Variants in FAM3C observed in about 807,000 individuals in gnomAD.
The protein encoded by FAM3C is protein FAM3C.
In FAM3C, 15 loss-of-function variants were observed where a neutral mutation model predicts 32.5. The ratio of observed to expected loss-of-function variants is 0.46; its 90% CI spans 0.31 to 0.71. The LOEUF is 0.71. FAM3C is among the 30% of genes least tolerant of loss of function. The pLI, the probability that FAM3C is intolerant of heterozygous loss-of-function variation, is 0.05. For synonymous variants in FAM3C, 75 were observed against 86.1 expected (o/e 0.87, Z 0.72); for missense variants, 175 against 274.4 (o/e 0.64, Z 2.56).
chr7:121,362,991 A>G, intron 6 of FAM3C, 44 bp from the exon 7 acceptor site: 1 of 898,712 alleles, frequency 1.1e-6, no homozygotes, highest in Non-Finnish European at 1.8e-6. Flanking sequence ...TCTGAAATAT[A>G]TCATACACTG....
intron 1 of FAM3C, among the ~76,000 whole-genome samples, chr7:121,389,872 T>C (rs141052680): frequency 2.0e-5 from 3 of 152,242 alleles, no homozygotes; most frequent in African/African-American, 7.2e-5. Context: ...GAAATCAGAC[T>C]TCTGAACTGA....
rs191977817 is a variant in FAM3C, at chr7:121,376,157, T to C, written c.118+2753A>G. ...ATAGAAGTACACAGACCAGAACAAG[T>C]AAAGTAAAATCTCACTATACTTTGC... On this transcript the variant is annotated intron_variant, in intron 3 of 9. Transcript: ENST00000359943. 8.9e-4 allele frequency among the ~76,000 whole-genome samples: 136 copies of C among 152,290 alleles called. 1 individual carries two copies. Among genetic ancestry groups the C allele is most frequent in the Admixed American group, 5.7e-3 (87 of 15,286 alleles).
intron 1 of FAM3C, among the ~76,000 whole-genome samples, chr7:121,389,054 T>C (rs950104355): frequency 4.6e-5 from 7 of 152,182 alleles, no homozygotes; most frequent in African/African-American, 1.7e-4. Flanking sequence ...TAATACCTGC[T>C]TCTCCCTCCA....
intron 1 of FAM3C, among the ~76,000 whole-genome samples, chr7:121,383,238 A>G (rs1794394245): frequency 6.6e-6 from 1 of 152,168 alleles, no homozygotes; most frequent in South Asian, 2.1e-4. Context: ...TGAATGACCA[A>G]AGAGTAAAAG....
chr7:121,367,318 G>A (rs1302587611), intron 5 of FAM3C, among the ~76,000 whole-genome samples: 6 of 152,132 alleles, frequency 3.9e-5, no homozygotes, highest in Admixed American at 3.9e-4. Context: ...CTCTTAAGAT[G>A]GTTAGTTTAA....
intron 2 of FAM3C, among the ~76,000 whole-genome samples, chr7:121,380,733 T>TTATATATATATATATATATATATA (rs66579763): frequency 0.01 from 1,338 of 133,366 alleles, 17 homozygotes; most frequent in Non-Finnish European, 0.015. Flanking sequence ...TACAAACATT[T>TTATATATATATATATATATATATA]TATATATATA....
chr7:121,372,514 T>C (rs1794169066), intron 3 of FAM3C, among the ~76,000 whole-genome samples: 1 of 152,166 alleles, frequency 6.6e-6, no homozygotes, highest in Non-Finnish European at 1.5e-5. Flanking sequence ...TGCTGTATGG[T>C]GTTGTACAGA....
intron 8 of FAM3C, among the ~76,000 whole-genome samples, chr7:121,355,380 C>T (rs1022618683): frequency 6.6e-6 from 1 of 151,926 alleles, no homozygotes; most frequent in African/African-American, 2.4e-5. Flanking sequence ...TCCCTGTTTT[C>T]AAAAAAGGCA....
At chr7:121,362,827 TG>T in intron 7 of FAM3C, 69 bp downstream of exon 7, 1 of 793,940 alleles carries the variant, frequency 1.3e-6, no homozygotes, top group Non-Finnish European at 2.1e-6. Flanking sequence ...CTCTCATTAA[TG>T]GGCTACATTG....
At chr7:121,394,149 G>C (rs1794637825) in intron 1 of FAM3C, among the ~76,000 whole-genome samples, 1 of 152,144 alleles carries the variant, frequency 6.6e-6, no homozygotes, top group Admixed American at 6.5e-5. Flanking sequence ...GTACATGGTA[G>C]GCACTCCAGT....
intron 1 of FAM3C, among the ~76,000 whole-genome samples, chr7:121,395,318 C>CAT (rs200037255): frequency 1.9e-4 from 27 of 144,028 alleles, no homozygotes; most frequent in East Asian, 1.4e-3. Flanking sequence ...TACATACATA[C>CAT]ATATATATAT....
At chr7:121,393,257 C>T (rs1476137559) in intron 1 of FAM3C, among the ~76,000 whole-genome samples, 1 of 151,954 alleles carries the variant, frequency 6.6e-6, no homozygotes, top group Admixed American at 6.6e-5. Flanking sequence ...CAGATTTGGC[C>T]AGCCTGTGCA....
intron 5 of FAM3C, among the ~76,000 whole-genome samples, chr7:121,368,972 GTTTTTTTTTT>G (rs563834740): frequency 9.4e-5 from 9 of 96,170 alleles, no homozygotes; most frequent in Middle Eastern, 5.7e-3. Flanking sequence ...TGTTGTTGTT[GTTTTTTTTTT>G]TTTTTTTTTT....
intron 2 of FAM3C, among the ~76,000 whole-genome samples, chr7:121,380,731 TTTTATATATATATATA>T (rs1180069044): frequency 9.8e-6 from 1 of 101,838 alleles, no homozygotes; most frequent in Non-Finnish European, 2.2e-5. Flanking sequence ...TATACAAACA[TTTTATATATATATATA>T]TATATATATG....
At chr7:121,357,868 G>T (rs1181217885) in intron 8 of FAM3C, among the ~76,000 whole-genome samples, 2 of 152,094 alleles carry the variant, frequency 1.3e-5, no homozygotes, top group African/African-American at 4.8e-5. Context: ...TAGCATATTA[G>T]CAGGTTAAGG....
intron 5 of FAM3C, among the ~76,000 whole-genome samples, chr7:121,370,803 A>G (rs1794130385): frequency 6.6e-6 from 1 of 152,226 alleles, no homozygotes; most frequent in East Asian, 1.9e-4. Context: ...AAGAGAACAC[A>G]TTCATTGTCC....
intron 1 of FAM3C, among the ~76,000 whole-genome samples, chr7:121,391,606 A>T (rs902983222): frequency 1.8e-4 from 27 of 152,166 alleles, no homozygotes; most frequent in African/African-American, 6.5e-4. Flanking sequence ...CACTCTACTT[A>T]TGCTGTTTTG....
Position 121,355,355 on chromosome 7 carries a change from G to A in FAM3C, c.468-4086C>T, listed in dbSNP as rs559358393. 8.6e-4 allele frequency among the ~76,000 whole-genome samples: 131 copies of A among 152,310 alleles called. 2 individuals carry two copies. Among genetic ancestry groups the A allele is most frequent in the Middle Eastern group, 6.8e-3 (2 of 294 alleles). ...TTTAGAAGCCTCATGGAAAATGGGA[G>A]ATGCTAAGACATTATCCCTGTTTTC... is the stretch of plus-strand genomic sequence containing the variant. On this transcript the variant is annotated intron_variant, in intron 8 of 9. Coordinates refer to ENST00000359943, the MANE Select transcript of FAM3C (RefSeq NM_014888.3).
chr7:121,358,171 C>T (rs540711742), intron 8 of FAM3C, among the ~76,000 whole-genome samples: 16 of 152,116 alleles, frequency 1.1e-4, no homozygotes, highest in East Asian at 3.9e-4. Flanking sequence ...CCAGATAAAA[C>T]GCACAATGTC....
Sources: allele counts gnomAD v4.1 joint callset (sites outside exome capture counted in the v4.1 genomes callset), GRCh38; gene constraint gnomAD v4.1.1; transcripts MANE v1.5; gene names NCBI Gene and HGNC (gene_info 2026-07-23, HGNC 2026-07-21).